Variants in CWC27 observed in about 807,000 individuals in gnomAD.
CWC27 encodes the protein CWC27 spliceosome associated cyclophilin, also known as spliceosome-associated protein CWC27 homolog.
CWC27 carries 47 observed loss-of-function variants against 63.6 expected under a neutral mutation model. The ratio of observed to expected loss-of-function variants is 0.74; its 90% CI spans 0.58 to 0.94. The LOEUF is 0.94. Among genes scored for constraint, CWC27 ranks in the 40% least tolerant of loss-of-function variants. The pLI is 0.00. For missense variants in CWC27, 495 were observed against 554.3 expected (o/e 0.89, Z 1.07); for synonymous variants, 175 against 179.8 (o/e 0.97, Z 0.22).
intron 7 of CWC27, among the ~76,000 whole-genome samples, chr5:64,797,740 C>T (rs1304741311): frequency 2.6e-5 from 4 of 152,078 alleles, no homozygotes; most frequent in East Asian, 1.9e-4. Context: ...AACTTAAAAT[C>T]GCTCTTAGTG....
At chr5:64,934,535 C>G (rs1299589259) in intron 11 of CWC27, among the ~76,000 whole-genome samples, 1 of 152,154 alleles carries the variant, frequency 6.6e-6, no homozygotes, top group Non-Finnish European at 1.5e-5. Flanking sequence ...CAAGTCTTTG[C>G]TATTGTGAAT....
intron 7 of CWC27, among the ~76,000 whole-genome samples, chr5:64,798,312 A>G (rs768633998): frequency 1.8e-4 from 27 of 152,190 alleles, no homozygotes; most frequent in Non-Finnish European, 3.2e-4. Context: ...ACTAAACCCC[A>G]TGGAATTGTG....
chr5:64,928,392 T>TA (rs1748163103), intron 11 of CWC27, among the ~76,000 whole-genome samples: 1 of 152,232 alleles, frequency 6.6e-6, no homozygotes, highest in Non-Finnish European at 1.5e-5. Flanking sequence ...TGCTTGGTTT[T>TA]AATTGTCAAA....
At chr5:64,772,664 G>A (rs562887024) in intron 1 of CWC27, among the ~76,000 whole-genome samples, 22 of 143,128 alleles carry the variant, frequency 1.5e-4, no homozygotes, top group Admixed American at 5.7e-4. Flanking sequence ...AAGTCCAGGC[G>A]CAGTGGCTCA....
intron 11 of CWC27, among the ~76,000 whole-genome samples, chr5:64,965,926 C>A (rs1749004952): frequency 6.6e-6 from 1 of 152,082 alleles, no homozygotes; most frequent in African/African-American, 2.4e-5. Context: ...ATTATCAGGG[C>A]AAATACATTC....
intron 13 of CWC27, among the ~76,000 whole-genome samples, chr5:64,995,359 A>G (rs532852022): frequency 3.0e-4 from 46 of 152,160 alleles, no homozygotes; most frequent in Non-Finnish European, 8.8e-5. Flanking sequence ...TTTTGTTAAC[A>G]TGGAGTTTTA....
intron 7 of CWC27, among the ~76,000 whole-genome samples, chr5:64,792,000 G>C (rs1333125560): frequency 6.6e-6 from 1 of 151,976 alleles, no homozygotes; most frequent in Non-Finnish European, 1.5e-5. Context: ...GTAGTCTATA[G>C]ACCAGTTTCC....
chr5:65,000,328 TTTTAA>T (rs1749709957), intron 13 of CWC27, among the ~76,000 whole-genome samples: 1 of 152,006 alleles, frequency 6.6e-6, no homozygotes, highest in Non-Finnish European at 1.5e-5. Context: ...GGCAGAAGCT[TTTTAA>T]TTTAATTAAG....
chr5:64,817,014 C>G (rs1287889213), intron 10 of CWC27, among the ~76,000 whole-genome samples: 1 of 152,106 alleles, frequency 6.6e-6, no homozygotes, highest in Non-Finnish European at 1.5e-5. Context: ...GCATCTGAAT[C>G]TATTTTCTTC....
intron 10 of CWC27, among the ~76,000 whole-genome samples, chr5:64,879,012 C>T (rs1022397555): frequency 1.3e-5 from 2 of 151,740 alleles, no homozygotes; most frequent in Non-Finnish European, 2.9e-5. Flanking sequence ...ACTGGAGGCA[C>T]GTAGACCAAG....
At chr5:64,780,689 G>A (rs1373097014) in intron 2 of CWC27, among the ~76,000 whole-genome samples, 8 of 43,754 alleles carry the variant, frequency 1.8e-4, no homozygotes, top group Non-Finnish European at 3.9e-4. Flanking sequence ...ATACACACGC[G>A]CACACGCGCG....
chr5:64,890,952 A>G (rs1169596878), intron 11 of CWC27, among the ~76,000 whole-genome samples: 2 of 152,170 alleles, frequency 1.3e-5, no homozygotes, highest in Non-Finnish European at 2.9e-5. Flanking sequence ...AGTGTGAGAG[A>G]AAAGCATGGC....
chr5:64,876,614 G>A (rs1177565434), intron 10 of CWC27, among the ~76,000 whole-genome samples: 2 of 152,000 alleles, frequency 1.3e-5, no homozygotes, highest in African/African-American at 4.8e-5. Context: ...CTCTCCAACA[G>A]CATGTCACTC....
At chr5:64,965,530 C>T (rs1300532972) in intron 11 of CWC27, among the ~76,000 whole-genome samples, 2 of 152,100 alleles carry the variant, frequency 1.3e-5, no homozygotes, top group African/African-American at 4.8e-5. Flanking sequence ...ATATAATAAA[C>T]AGGGGTAGAT....
chr5:64,770,578 GT>G (rs992843717), intron 1 of CWC27, among the ~76,000 whole-genome samples: 3 of 151,958 alleles, frequency 2.0e-5, no homozygotes, highest in African/African-American at 7.3e-5. Context: ...AACCTTTTTA[GT>G]TTTTTTCATG....
At chr5:64,984,871 A>G (rs1749397565) in intron 13 of CWC27, among the ~76,000 whole-genome samples, 1 of 152,206 alleles carries the variant, frequency 6.6e-6, no homozygotes, top group Admixed American at 6.5e-5. Flanking sequence ...TGCCCAACCT[A>G]AAGTCACACA....
chr5:64,833,969 T>C (rs1323741222), intron 10 of CWC27, among the ~76,000 whole-genome samples: 1 of 151,570 alleles, frequency 6.6e-6, no homozygotes, highest in African/African-American at 2.4e-5. Context: ...GAAATTGTTC[T>C]GTTAGAATAG....
At chr5:64,899,796 C>A (rs904292252) in intron 11 of CWC27, among the ~76,000 whole-genome samples, 1 of 152,208 alleles carries the variant, frequency 6.6e-6, no homozygotes, top group African/African-American at 2.4e-5. Context: ...TCCTTCAAGG[C>A]CCAACATGTT....
rs75585519 is a variant in CWC27 at position 64,945,453 on chromosome 5, G to A, written c.1043-26250G>A. ...TTTATAATACATCCTTTGATACTGA[G>A]CATTAAGTTGCCTAAACCACTTCTC... On this transcript the variant is annotated intron_variant, in intron 11 of 13. Transcript: ENST00000381070. 6.9e-3 allele frequency among the ~76,000 whole-genome samples: 1,052 copies of A among 152,228 alleles called. 19 individuals carry two copies. The highest frequency in any genetic ancestry group is 0.024 in the African/African-American group (987 of 41,546).
Sources: allele counts gnomAD v4.1 joint callset (sites outside exome capture counted in the v4.1 genomes callset), GRCh38; gene constraint gnomAD v4.1.1; transcripts MANE v1.5; gene names NCBI Gene and HGNC (gene_info 2026-07-23, HGNC 2026-07-21).